The following LINGO2 variants were observed in gnomAD, a reference collection of about 807,000 sequenced individuals.
The protein encoded by LINGO2 is leucine rich repeat and Ig domain containing 2.
A neutral mutation model predicts 30.6 loss-of-function variants in LINGO2; 14 were observed. The observed-to-expected ratio is 0.46, with a 90% CI of 0.30 to 0.72. The LOEUF is 0.72. Ranked by LOEUF, LINGO2 falls within the 30% of genes least tolerant of loss-of-function variation. The pLI is 0.07. For synonymous variants in LINGO2, 317 were observed against 288.5 expected (o/e 1.10, Z -1.00); for missense variants, 729 against 751.7 (o/e 0.97, Z 0.35).
the LINGO2 span, among the ~76,000 whole-genome samples, chr9:28,818,441 A>G: frequency 2.0e-5 from 3 of 152,042 alleles, no homozygotes; most frequent in African/African-American, 7.2e-5. Flanking sequence ...CTGGAGTGCA[A>G]TGGTACAATC....
At chr9:29,102,741 A>G in the LINGO2 span, among the ~76,000 whole-genome samples, 2 of 152,170 alleles carry the variant, frequency 1.3e-5, no homozygotes, top group African/African-American at 4.8e-5. Flanking sequence ...ATAGTAAAAT[A>G]AATCGTAGTG....
At chr9:29,046,621 A>T in the LINGO2 span, among the ~76,000 whole-genome samples, 2 of 152,146 alleles carry the variant, frequency 1.3e-5, no homozygotes, top group African/African-American at 2.4e-5. Context: ...TTACATGTAA[A>T]ACCCAAAACT....
In LINGO2 at chr9:28,211,626, T is replaced by A. The variant is rs1038270380; in HGVS notation, c.-87+83582A>T. On this transcript the variant is annotated intron_variant, in intron 4 of 5. Coordinates refer to ENST00000379992, the Ensembl canonical transcript of LINGO2. ...AGTTATATCTTCTGCAAACTTTTTC[T>A]TGCATTTCTTACTTTGAAGAAGTCA... Among the ~76,000 whole-genome samples the A allele has an allele frequency of 2.0e-3, 299 of 151,618 alleles. 3 individuals are homozygous for A. Among genetic ancestry groups the A allele is most frequent in the Non-Finnish European group, 4.0e-4 (27 of 67,550 alleles).
intron 1 of LINGO2, among the ~76,000 whole-genome samples, chr9:28,661,280 T>C (rs1290675405): frequency 6.6e-6 from 1 of 152,184 alleles, no homozygotes; most frequent in Non-Finnish European, 1.5e-5. Context: ...GAGAGATATG[T>C]GACCCAGTCA....
At chr9:28,772,162 G>C in the LINGO2 span, among the ~76,000 whole-genome samples, 4 of 152,180 alleles carry the variant, frequency 2.6e-5, no homozygotes, top group Non-Finnish European at 5.9e-5. Context: ...GCATTTGTAA[G>C]TTAATAAATT....
intron 2 of LINGO2, among the ~76,000 whole-genome samples, chr9:28,374,340 T>C (rs940895036): frequency 2.6e-5 from 4 of 151,520 alleles, no homozygotes; most frequent in African/African-American, 9.7e-5. Context: ...TCATGATACA[T>C]GAATATTATG....
chr9:28,756,691 G>A, the LINGO2 span, among the ~76,000 whole-genome samples: 1 of 151,912 alleles, frequency 6.6e-6, no homozygotes, highest in Non-Finnish European at 1.5e-5. Flanking sequence ...TAGTGATAGT[G>A]AGTGAGTTCT....
the LINGO2 span, among the ~76,000 whole-genome samples, chr9:29,007,756 C>T: frequency 6.6e-6 from 1 of 151,966 alleles, no homozygotes; most frequent in South Asian, 2.1e-4. Flanking sequence ...AAAGAAGGAT[C>T]AGGAATTTGA....
At chr9:28,259,658 G>T (rs1822499152) in intron 4 of LINGO2, among the ~76,000 whole-genome samples, 1 of 151,846 alleles carries the variant, frequency 6.6e-6, no homozygotes, top group Admixed American at 6.6e-5. Context: ...ATTTCCTCAT[G>T]TTAAAAGGAG....
chr9:29,211,777 T>G, the LINGO2 span, among the ~76,000 whole-genome samples: 1 of 152,102 alleles, frequency 6.6e-6, no homozygotes, highest in Non-Finnish European at 1.5e-5. Context: ...TCCAGTCTAC[T>G]GCGGCTCAAA....
chr9:28,747,320 C>G, the LINGO2 span, among the ~76,000 whole-genome samples: 2 of 152,014 alleles, frequency 1.3e-5, no homozygotes, highest in Non-Finnish European at 2.9e-5. Context: ...CTTCGCACCC[C>G]ATTCCCCTTC....
At chr9:28,575,604 C>G (rs1823935236) in intron 1 of LINGO2, among the ~76,000 whole-genome samples, 1 of 151,922 alleles carries the variant, frequency 6.6e-6, no homozygotes, top group African/African-American at 2.4e-5. Context: ...TGCCCGCTAC[C>G]TGGGTGACAG....
chr9:28,981,714 T>TG, the LINGO2 span, among the ~76,000 whole-genome samples: 1 of 152,142 alleles, frequency 6.6e-6, no homozygotes, highest in Non-Finnish European at 1.5e-5. Flanking sequence ...CTGTTTCAAA[T>TG]AGTGCTCCAA....
At chr9:28,042,425 G>C (rs1381226082) in intron 4 of LINGO2, among the ~76,000 whole-genome samples, 1 of 152,180 alleles carries the variant, frequency 6.6e-6, no homozygotes, top group Non-Finnish European at 1.5e-5. Context: ...GGTATATGCT[G>C]GGAGTTTGAG....
the LINGO2 span, among the ~76,000 whole-genome samples, chr9:28,818,346 CA>C: frequency 6.6e-6 from 1 of 152,020 alleles, no homozygotes. Context: ...ATTAACCTAC[CA>C]TATTAACTTT....
intron 1 of LINGO2, among the ~76,000 whole-genome samples, chr9:28,528,865 G>A (rs931421935): frequency 6.6e-6 from 1 of 151,608 alleles, no homozygotes; most frequent in African/African-American, 2.4e-5. Context: ...GATATTTTTA[G>A]TTTTGTCATA....
the LINGO2 span, among the ~76,000 whole-genome samples, chr9:29,158,094 G>T: frequency 7.5e-4 from 114 of 151,518 alleles, no homozygotes; most frequent in African/African-American, 2.7e-3. Context: ...TATACTCCCA[G>T]AACTTTGGGA....
At chr9:28,006,706 G>C (rs1822284712) in intron 5 of LINGO2, among the ~76,000 whole-genome samples, 1 of 151,978 alleles carries the variant, frequency 6.6e-6, no homozygotes, top group South Asian at 2.1e-4. Context: ...ACTCTTTTAG[G>C]GAACACTTCT....
At chr9:28,015,516 T>C (rs1442342436) in intron 4 of LINGO2, among the ~76,000 whole-genome samples, 1 of 152,190 alleles carries the variant, frequency 6.6e-6, no homozygotes, top group Non-Finnish European at 1.5e-5. Context: ...CTTCCTTCTA[T>C]GTTTAAATTC....
Sources: allele counts gnomAD v4.1 joint callset (sites outside exome capture counted in the v4.1 genomes callset), GRCh38; gene constraint gnomAD v4.1.1; transcripts MANE v1.5; gene names NCBI Gene and HGNC (gene_info 2026-07-23, HGNC 2026-07-21).